GPR39: variants seen among roughly 807,000 people sequenced by gnomAD.
GPR39 encodes the protein G protein-coupled receptor 39.
A neutral mutation model predicts 18.4 loss-of-function variants in GPR39; 23 were observed. The observed-to-expected ratio is 1.25, with a 90% CI of 0.90 to 1.77. The LOEUF is 1.77. Among genes scored for constraint, GPR39 ranks in the 40% most tolerant of loss-of-function variants. The pLI is 0.00. For synonymous variants in GPR39, 280 were observed against 257.9 expected (o/e 1.09, Z -0.82); for missense variants, 647 against 602.4 (o/e 1.07, Z -0.78).
At chr2:132,419,551 G>A (rs974181275) in intron 1 of GPR39, among the ~76,000 whole-genome samples, 3 of 152,156 alleles carry the variant, frequency 2.0e-5, no homozygotes, top group African/African-American at 7.2e-5. Context: ...CTTGGGAAGC[G>A]TACCCAACTC....
intron 1 of GPR39, among the ~76,000 whole-genome samples, chr2:132,584,678 G>T (rs146237313): frequency 6.6e-6 from 1 of 152,110 alleles, no homozygotes; most frequent in African/African-American, 2.4e-5. Context: ...GAAGGAAAGA[G>T]AACTCACTTC....
At position 132,645,504 on chromosome 2, in the gene GPR39, G is replaced by A. The variant is rs773951316; in HGVS notation, c.1260G>A (p.Gln420=). 2 of 1,613,506 alleles carry A rather than the reference G, an allele frequency of 1.2e-6. No individual in the cohort carries two copies. Among genetic ancestry groups the A allele is most frequent in the Non-Finnish European group, 1.7e-6 (2 of 1,179,996 alleles). ...LSTFQSEAEP[Q]SKSQSLSLES... ...CTTTTCAGAGCGAGGCCGAGCCCCAGTCTAAGTCCCAGTCATTGAGTCTCG... is the reference window on the plus strand; with the variant it reads ...CTTTTCAGAGCGAGGCCGAGCCCCAATCTAAGTCCCAGTCATTGAGTCTCG... The change falls in exon 2 of 2, where the codon CAG becomes CAA. Residue 420 remains glutamine, a synonymous_variant. Transcript: ENST00000329321.
intron 1 of GPR39, among the ~76,000 whole-genome samples, chr2:132,598,659 G>T (rs1680989936): frequency 6.6e-6 from 1 of 151,990 alleles, no homozygotes; most frequent in Non-Finnish European, 1.5e-5. Context: ...CAGGCTAGAT[G>T]GAAAAGTTCC....
chr2:132,562,350 G>A (rs1680269810), intron 1 of GPR39, among the ~76,000 whole-genome samples: 1 of 152,022 alleles, frequency 6.6e-6, no homozygotes, highest in Non-Finnish European at 1.5e-5. Flanking sequence ...AAAATTCTTT[G>A]GCATGTTATA....
intron 1 of GPR39, among the ~76,000 whole-genome samples, chr2:132,546,024 A>G (rs990798752): frequency 6.6e-6 from 1 of 152,260 alleles, no homozygotes; most frequent in Non-Finnish European, 1.5e-5. Context: ...ATAGGCCATC[A>G]GCATCCATAA....
intron 1 of GPR39, among the ~76,000 whole-genome samples, chr2:132,509,682 T>C (rs755517961): frequency 6.6e-6 from 1 of 152,194 alleles, no homozygotes; most frequent in Non-Finnish European, 1.5e-5. Flanking sequence ...GACCCCTGCC[T>C]CACAGAACTG....
chr2:132,575,296 C>T (rs1323638713), intron 1 of GPR39, among the ~76,000 whole-genome samples: 1 of 152,126 alleles, frequency 6.6e-6, no homozygotes, highest in Non-Finnish European at 1.5e-5. Flanking sequence ...TGTGCAGTCA[C>T]TTAAATACTC....
At chr2:132,610,063 G>A (rs1214978685) in intron 1 of GPR39, among the ~76,000 whole-genome samples, 9 of 151,910 alleles carry the variant, frequency 5.9e-5, no homozygotes, top group African/African-American at 9.7e-5. Context: ...TGCAAGACTC[G>A]GTCAGTGATT....
intron 1 of GPR39, among the ~76,000 whole-genome samples, chr2:132,436,341 A>G (rs1368360329): frequency 6.6e-6 from 1 of 152,214 alleles, no homozygotes; most frequent in East Asian, 1.9e-4. Flanking sequence ...ACTCTGCCCC[A>G]GGGAGGGAAA....
intron 1 of GPR39, among the ~76,000 whole-genome samples, chr2:132,432,578 T>C (rs529089811): frequency 1.6e-3 from 247 of 152,298 alleles, no homozygotes; most frequent in Non-Finnish European, 2.8e-3. Context: ...CTTAATCACA[T>C]CTGCCAAGAT....
chr2:132,633,370 G>A (rs1408374423), intron 1 of GPR39, among the ~76,000 whole-genome samples: 3 of 151,332 alleles, frequency 2.0e-5, no homozygotes, highest in African/African-American at 7.3e-5. Flanking sequence ...GTGTGTGTGT[G>A]TGTGTGTGTG....
intron 1 of GPR39, among the ~76,000 whole-genome samples, chr2:132,612,867 T>C (rs958466591): frequency 6.6e-6 from 1 of 152,248 alleles, no homozygotes; most frequent in Admixed American, 6.5e-5. Context: ...TGCTAGGATT[T>C]TCATTGATCT....
At chr2:132,633,573 T>G (rs182791954) in intron 1 of GPR39, among the ~76,000 whole-genome samples, 2 of 152,324 alleles carry the variant, frequency 1.3e-5, no homozygotes, top group East Asian at 1.9e-4. Context: ...TTGGAAGGTA[T>G]CTGACATCCT....
chr2:132,472,267 G>A (rs113838598), intron 1 of GPR39, among the ~76,000 whole-genome samples: 6,151 of 152,222 alleles, frequency 0.04, 433 homozygotes, highest in African/African-American at 0.14. Flanking sequence ...ATTCATGTGA[G>A]ATACAAAGAT....
rs1172046317 is a variant in GPR39 at position 132,440,315 on chromosome 2, TCA to T, written c.856+22420_856+22421del. ...TTTGAAAACCATCTCTCGCCTGCCC[TCA>T]CAATAACCTGAATTGTGGTTCTTGG... On this transcript the variant is annotated intron_variant, in intron 1 of 1. Transcript: ENST00000329321. 2.6e-5 allele frequency among the ~76,000 whole-genome samples: 4 copies of T among 152,310 alleles called. No homozygotes were observed. The East Asian group carries it at 7.7e-4, about 29-fold the overall frequency.
intron 1 of GPR39, among the ~76,000 whole-genome samples, chr2:132,470,476 C>G (rs1681008706): frequency 6.6e-6 from 1 of 151,964 alleles, no homozygotes; most frequent in Non-Finnish European, 1.5e-5. Flanking sequence ...TGATCCAGGA[C>G]TACAAAATGA....
At chr2:132,489,825 TG>T (rs1212483562) in intron 1 of GPR39, among the ~76,000 whole-genome samples, 1 of 151,978 alleles carries the variant, frequency 6.6e-6, no homozygotes, top group Non-Finnish European at 1.5e-5. Flanking sequence ...AAAATGTATT[TG>T]TATTAAATTT....
At chr2:132,616,893 C>T (rs775898611) in intron 1 of GPR39, among the ~76,000 whole-genome samples, 2 of 152,234 alleles carry the variant, frequency 1.3e-5, no homozygotes, top group Non-Finnish European at 2.9e-5. Flanking sequence ...ATGCCCCGCT[C>T]CCGCCACGGT....
chr2:132,470,424 C>T (rs1001850223), intron 1 of GPR39, among the ~76,000 whole-genome samples: 6 of 151,988 alleles, frequency 3.9e-5, no homozygotes, highest in Admixed American at 2.6e-4. Flanking sequence ...GCTGAGGGAC[C>T]ATGGTGGTGT....
Sources: allele counts gnomAD v4.1 joint callset (sites outside exome capture counted in the v4.1 genomes callset), GRCh38; gene constraint gnomAD v4.1.1; transcripts MANE v1.5; gene names NCBI Gene and HGNC (gene_info 2026-07-23, HGNC 2026-07-21).